The following MB21D2 variants were observed in gnomAD, a reference collection of about 807,000 sequenced individuals.
MB21D2 encodes the protein nucleotidyltransferase MB21D2.
MB21D2 carries 9 observed loss-of-function variants against 33.3 expected under a neutral mutation model. The observed-to-expected ratio is 0.27, with a 90% CI of 0.16 to 0.47. MB21D2 has a LOEUF of 0.47. Ranked by LOEUF, MB21D2 falls within the 20% of genes least tolerant of loss-of-function variation. The probability of loss-of-function intolerance (pLI) is 0.99; values close to 1 mark genes in which losing one functional copy is unlikely to be tolerated. For synonymous variants in MB21D2, 241 were observed against 236.3 expected, an observed-to-expected ratio of 1.02 and a Z score of -0.18; for missense variants, 540 against 624.6, an observed-to-expected ratio of 0.86 and a Z score of 1.44.
In MB21D2 at chr3:192,797,081, TG is replaced by T. The variant is rs1320724667; in HGVS notation, c.*1304del. On this transcript the variant is annotated 3_prime_UTR_variant, in exon 2 of 2. Transcript: ENST00000392452. ...CCTCCTGACCTCTTAAACACCAGCTTGCCATGAGTCCACACCAAAACAGGGA... is the reference window on the plus strand; with the variant it reads ...CCTCCTGACCTCTTAAACACCAGCTTCCATGAGTCCACACCAAAACAGGGA... 6.6e-6 allele frequency: 1 copy of T among 152,576 alleles called. No homozygotes were observed. The highest frequency in any genetic ancestry group is 1.5e-5 in the Non-Finnish European group (1 of 68,026). The allele number at this position is 152,576 out of a possible 1,614,324, so 9.5% of individuals were successfully genotyped here.
At chr3:192,828,122 T>C (rs1430139465) in intron 1 of MB21D2, among the ~76,000 whole-genome samples, 1 of 152,108 alleles carries the variant, frequency 6.6e-6, no homozygotes, top group Non-Finnish European at 1.5e-5. Context: ...GTGAGTCCAT[T>C]AAACCTCTTT....
intron 1 of MB21D2, among the ~76,000 whole-genome samples, chr3:192,895,280 A>C (rs1713941913): frequency 6.6e-6 from 1 of 152,234 alleles, no homozygotes. Context: ...TCTCACATGC[A>C]GACTTTCAAG....
At chr3:192,857,986 A>T (rs1712955438) in intron 1 of MB21D2, among the ~76,000 whole-genome samples, 1 of 152,176 alleles carries the variant, frequency 6.6e-6, no homozygotes, top group South Asian at 2.1e-4. Context: ...TTAGCCGGGC[A>T]TGGTGGTGCA....
chr3:192,828,486 G>A (rs529870810), intron 1 of MB21D2, among the ~76,000 whole-genome samples: 2 of 149,956 alleles, frequency 1.3e-5, no homozygotes, highest in Admixed American at 6.7e-5. Flanking sequence ...CCTCATCTGG[G>A]GCCTGTTTTC....
At chr3:192,868,822 C>A (rs58309463) in intron 1 of MB21D2, among the ~76,000 whole-genome samples, 4,790 of 152,172 alleles carry the variant, frequency 0.031, 208 homozygotes, top group East Asian at 0.15. Context: ...AGTAAGATAA[C>A]CCAACAGACT....
chr3:192,829,839 A>T (rs1234040377), intron 1 of MB21D2, among the ~76,000 whole-genome samples: 2 of 152,152 alleles, frequency 1.3e-5, no homozygotes, highest in Non-Finnish European at 2.9e-5. Context: ...TGATACTCCC[A>T]CCTCAGCCTC....
intron 1 of MB21D2, among the ~76,000 whole-genome samples, chr3:192,861,319 G>A (rs142181530): frequency 5.9e-5 from 9 of 152,312 alleles, no homozygotes; most frequent in Admixed American, 2.6e-4. Flanking sequence ...GCCAGCATCT[G>A]CGGGCATCTA....
At chr3:192,819,501 G>A (rs1379427046) in intron 1 of MB21D2, among the ~76,000 whole-genome samples, 2 of 152,262 alleles carry the variant, frequency 1.3e-5, no homozygotes, top group South Asian at 2.1e-4. Context: ...TCCCACCCCC[G>A]CTTCGACCAC....
At chr3:192,875,063 A>AGTGG (rs1482905784) in intron 1 of MB21D2, among the ~76,000 whole-genome samples, 2 of 151,976 alleles carry the variant, frequency 1.3e-5, no homozygotes, top group Non-Finnish European at 2.9e-5. Flanking sequence ...TGGGTGTGCC[A>AGTGG]CCTATCTTCT....
At chr3:192,889,257 T>C (rs1306877087) in intron 1 of MB21D2, among the ~76,000 whole-genome samples, 2 of 152,084 alleles carry the variant, frequency 1.3e-5, no homozygotes, top group Non-Finnish European at 2.9e-5. Context: ...GTTTTGGGGC[T>C]GGACCTTCAA....
intron 1 of MB21D2, among the ~76,000 whole-genome samples, chr3:192,853,507 G>T (rs1327556277): frequency 6.6e-6 from 1 of 152,202 alleles, no homozygotes; most frequent in Non-Finnish European, 1.5e-5. Context: ...AGCAGCAGTG[G>T]TGTTCCCACC....
chr3:192,867,991 T>A (rs1417132808), intron 1 of MB21D2, among the ~76,000 whole-genome samples: 1 of 152,058 alleles, frequency 6.6e-6, no homozygotes, highest in African/African-American at 2.4e-5. Context: ...GTCAGTGAGG[T>A]CCAGAAATCA....
chr3:192,819,215 G>A (rs1437988527), intron 1 of MB21D2, among the ~76,000 whole-genome samples: 1 of 146,310 alleles, frequency 6.8e-6, no homozygotes, highest in Non-Finnish European at 1.5e-5. Flanking sequence ...ATCTGCTAAG[G>A]CCCAGTTATA....
chr3:192,875,711 A>G (rs1469598919), intron 1 of MB21D2, among the ~76,000 whole-genome samples: 1 of 152,212 alleles, frequency 6.6e-6, no homozygotes, highest in Non-Finnish European at 1.5e-5. Context: ...CTCTGTACAT[A>G]GCTATTAAAG....
intron 1 of MB21D2, among the ~76,000 whole-genome samples, chr3:192,902,208 A>G (rs1714119097): frequency 1.3e-5 from 2 of 152,182 alleles, no homozygotes; most frequent in South Asian, 4.2e-4. Flanking sequence ...GATCAAAACC[A>G]TTATCTTTTC....
At chr3:192,827,598 A>C (rs969279527) in intron 1 of MB21D2, among the ~76,000 whole-genome samples, 1 of 152,084 alleles carries the variant, frequency 6.6e-6, no homozygotes, top group Admixed American at 6.6e-5. Flanking sequence ...TTAAGTGGCT[A>C]CTCAGGGGCA....
intron 1 of MB21D2, among the ~76,000 whole-genome samples, chr3:192,815,067 TAA>T (rs1711890945): frequency 6.6e-6 from 1 of 151,778 alleles, no homozygotes; most frequent in Non-Finnish European, 1.5e-5. Context: ...AAGGGAGAAA[TAA>T]GAGTTTCTTT....
At position 192,878,101 on chromosome 3, in the gene MB21D2, TG is replaced by T. The variant is rs1228428520; in HGVS notation, c.211+39528del. Among the ~76,000 whole-genome samples, 459 of 65,442 alleles carry T rather than the reference TG, an allele frequency of 7.0e-3. 19 individuals are homozygous for T. Among genetic ancestry groups the T allele is most frequent in the East Asian group, 0.059 (127 of 2,164 alleles). The allele number at this position is 65,442 out of a possible 152,430, so 42.9% of individuals were successfully genotyped here. On this transcript the variant is annotated intron_variant, in intron 1 of 1. Transcript: ENST00000392452. ...CTCCTCTTTTTTTTTTTTTTTTTTTTGGTTTTTTTTGTTTTTGAGACGGAGT... is the reference window on the plus strand; with the variant it reads ...CTCCTCTTTTTTTTTTTTTTTTTTTTGTTTTTTTTGTTTTTGAGACGGAGT...
intron 1 of MB21D2, among the ~76,000 whole-genome samples, chr3:192,873,312 T>C (rs982230100): frequency 6.6e-6 from 1 of 152,204 alleles, no homozygotes; most frequent in African/African-American, 2.4e-5. Flanking sequence ...AGTACTCGAC[T>C]GTGGTCCCCT....
Sources: gnomAD v4.1 joint callset for allele counts (sites outside exome capture counted in the v4.1 genomes callset) on GRCh38, gnomAD v4.1.1 for gene constraint, MANE v1.5 for transcripts, NCBI Gene and HGNC (gene_info 2026-07-23, HGNC 2026-07-21) for gene names.